JAKMIP1: variants seen among roughly 807,000 people sequenced by gnomAD.
JAKMIP1 encodes janus kinase and microtubule-interacting protein 1.
In JAKMIP1, 33 loss-of-function variants were observed where a neutral mutation model predicts 113.0. The ratio of observed to expected loss-of-function variants is 0.29; its 90% CI spans 0.22 to 0.39. JAKMIP1 has a LOEUF of 0.39. Among genes scored for constraint, JAKMIP1 ranks in the 10% least tolerant of loss-of-function variants. The pLI, the probability that JAKMIP1 is intolerant of heterozygous loss-of-function variation, is 1.00. For missense variants in JAKMIP1, 813 were observed against 1,080.5 expected (o/e 0.75, Z 3.47); for synonymous variants, 480 against 459.9 (o/e 1.04, Z -0.56).
At chr4:6,149,804 C>T (rs527296131) in intron 1 of JAKMIP1, among the ~76,000 whole-genome samples, 1 of 152,196 alleles carries the variant, frequency 6.6e-6, no homozygotes, top group African/African-American at 2.4e-5. Context: ...TAACGCTTCT[C>T]GCCCAGGCTC....
At chr4:6,152,793 TATATATATATATATATAC>T (rs11271627) in intron 1 of JAKMIP1, among the ~76,000 whole-genome samples, 9,968 of 141,404 alleles carry the variant, frequency 0.07, 717 homozygotes, top group African/African-American at 0.18. Flanking sequence ...AATACAAATA[TATATATATATATATATAC>T]ATATATATAT....
At chr4:6,195,594 C>G (rs548573356) in intron 1 of JAKMIP1, among the ~76,000 whole-genome samples, 6 of 152,158 alleles carry the variant, frequency 3.9e-5, no homozygotes, top group Non-Finnish European at 7.3e-5. Flanking sequence ...CTGTCCCCTC[C>G]CCCACAAAAG....
At chr4:6,098,396 G>T (rs899902937) in intron 3 of JAKMIP1, among the ~76,000 whole-genome samples, 1 of 151,710 alleles carries the variant, frequency 6.6e-6, no homozygotes, top group African/African-American at 2.4e-5. Flanking sequence ...TCACAGCATT[G>T]CACTTCAGCC....
In JAKMIP1 at chr4:6,061,595, G is replaced by A. The variant is rs528113620; in HGVS notation, c.1560+717C>T. On this transcript the variant is annotated intron_variant, in intron 10 of 20. Transcript: ENST00000409021. This position sits in a 1 kb window ranked among gnomAD's most constrained non-coding sequence, Gnocchi z 5.3. ...TCCCAGCTCTGTTCAGCATCATCTG[G>A]GTATTTGGGGGCAAGTTGCTCAGTT... Among the ~76,000 whole-genome samples, 1 of 152,138 alleles carries A rather than the reference G, an allele frequency of 6.6e-6. No homozygotes were observed. Among genetic ancestry groups the A allele is most frequent in the South Asian group, 2.1e-4 (1 of 4,818 alleles).
chr4:6,181,328 G>T lies in JAKMIP1; in HGVS notation c.-148+18925C>A, dbSNP rs192676072. Among the ~76,000 whole-genome samples, 11 of 152,262 alleles carry T rather than the reference G, an allele frequency of 7.2e-5. No individual in the cohort carries two copies. Among genetic ancestry groups the T allele is most frequent in the African/African-American group, 2.6e-4 (11 of 41,558 alleles). ...TGAGAGAGGAAGAGACCAGGGGCTC[G>T]AAGAGTAACACTAATTACAGGCCTG... On this transcript the variant is annotated intron_variant, in intron 1 of 20. Transcript: ENST00000409021. The surrounding 1 kb of genome is among the most constrained non-coding windows in gnomAD (Gnocchi z 5.4).
chr4:6,111,098 C>G (rs538668845), intron 2 of JAKMIP1, among the ~76,000 whole-genome samples: 149 of 152,066 alleles, frequency 9.8e-4, no homozygotes, highest in African/African-American at 3.2e-3. Flanking sequence ...AGCCTCTGCT[C>G]TGTGTGGCCA....
In JAKMIP1 at chr4:6,154,678, T is replaced by C. The variant is rs1722018387; in HGVS notation, c.-147-41681A>G. 6.6e-6 allele frequency among the ~76,000 whole-genome samples: 1 copy of C among 151,896 alleles called. No individual in the cohort carries two copies. The highest frequency in any genetic ancestry group is 1.5e-5 in the Non-Finnish European group (1 of 67,982). ...TCTGCAGCCCTGGCAAATGGAATTC[T>C]TTTCAATCCGGCCCGCTGAACCCCT... On this transcript the variant is annotated intron_variant, in intron 1 of 20. Transcript: ENST00000409021. The surrounding 1 kb of genome is among the most constrained non-coding windows in gnomAD (Gnocchi z 4.2).
intron 18 of JAKMIP1, 99 bp from the exon 19 acceptor site, chr4:6,036,206 G>C (rs569265289): frequency 2.0e-5 from 20 of 982,356 alleles, no homozygotes; most frequent in Middle Eastern, 4.9e-4. Context: ...AGGGAGGGGG[G>C]TTTCGGGCAG....
In JAKMIP1 at chr4:6,044,609, G is replaced by A. The variant is rs1257790809; in HGVS notation, c.2029-2382C>T. Among the ~76,000 whole-genome samples the A allele has an allele frequency of 1.3e-5, 2 of 152,070 alleles. No homozygotes were observed. Among genetic ancestry groups the A allele is most frequent in the African/African-American group, 4.8e-5 (2 of 41,320 alleles). ...TTTCAGTTTTAATATCCTCATGCAA[G>A]CAGTCATAAAATGAATAAAATTAAA... is the stretch of plus-strand genomic sequence containing the variant. On this transcript the variant is annotated intron_variant, in intron 16 of 20. Transcript: ENST00000409021. The surrounding 1 kb of genome is among the most constrained non-coding windows in gnomAD (Gnocchi z 4.4).
chr4:6,047,656 A>C (rs1367053421), intron 16 of JAKMIP1, among the ~76,000 whole-genome samples: 1 of 152,224 alleles, frequency 6.6e-6, no homozygotes, highest in Non-Finnish European at 1.5e-5. Flanking sequence ...AGTATCCTTT[A>C]CTTGATTGAG....
Position 6,079,012 on chromosome 4 carries a change from C to CA in JAKMIP1, c.1243-15dup. Reference sequence around the variant, plus strand: ...CCGTTCTCTCTCCTAGAAGGAAACACAACGGTTGGCATTTCCAGCCAGCCT... The same window carrying CA: ...CCGTTCTCTCTCCTAGAAGGAAACACAAACGGTTGGCATTTCCAGCCAGCCT... On this transcript the variant is annotated splice_polypyrimidine_tract_variant and intron_variant, in intron 7 of 20. Coordinates refer to ENST00000409021, the MANE Select transcript of JAKMIP1 (RefSeq NM_001099433.2). 6.2e-7 allele frequency: 1 copy of CA among 1,614,136 alleles called. No homozygotes were observed. The highest frequency in any genetic ancestry group is 1.1e-5 in the South Asian group (1 of 91,082).
At position 6,199,542 on chromosome 4, in the gene JAKMIP1, G is replaced by C. The variant is rs897094282; in HGVS notation, c.-148+711C>G. 1.3e-5 allele frequency among the ~76,000 whole-genome samples: 2 copies of C among 152,114 alleles called. No homozygotes were observed. The highest frequency in any genetic ancestry group is 2.9e-5 in the Non-Finnish European group (2 of 67,976). ...GAGTCAATCCTTGCGCGCCATCTCC[G>C]GAGGCCAGTGCGCCCAGGGCGCGCC... On this transcript the variant is annotated intron_variant, in intron 1 of 20. Transcript: ENST00000409021. The surrounding 1 kb of genome is among the most constrained non-coding windows in gnomAD (Gnocchi z 5.6).
chr4:6,044,571 G>C lies in JAKMIP1; in HGVS notation c.2029-2344C>G, dbSNP rs1174432005. On this transcript the variant is annotated intron_variant, in intron 16 of 20. Transcript: ENST00000409021. This position sits in a 1 kb window ranked among gnomAD's most constrained non-coding sequence, Gnocchi z 4.4. Reference sequence around the variant, plus strand: ...AAACAGATAAGCATATTTTGGATGGGGAGTTACAGGTATTTCAGTTTTAAT... The same window carrying C: ...AAACAGATAAGCATATTTTGGATGGCGAGTTACAGGTATTTCAGTTTTAAT... Among the ~76,000 whole-genome samples the C allele has an allele frequency of 6.6e-6, 1 of 152,088 alleles. No homozygotes were observed. Among genetic ancestry groups the C allele is most frequent in the African/African-American group, 2.4e-5 (1 of 41,400 alleles).
At chr4:6,041,404 A>G (rs1714298277) in intron 17 of JAKMIP1, among the ~76,000 whole-genome samples, 1 of 152,114 alleles carries the variant, frequency 6.6e-6, no homozygotes, top group Non-Finnish European at 1.5e-5. Context: ...GGCTCTTGCC[A>G]CACCACACCC....
At chr4:6,123,971 C>T (rs1191138239) in intron 1 of JAKMIP1, among the ~76,000 whole-genome samples, 1 of 152,212 alleles carries the variant, frequency 6.6e-6, no homozygotes, top group Non-Finnish European at 1.5e-5. Context: ...TTAAATGAAA[C>T]TTCCATGAGG....
intron 1 of JAKMIP1, among the ~76,000 whole-genome samples, chr4:6,166,653 G>A (rs770647910): frequency 4.6e-5 from 7 of 152,208 alleles, no homozygotes; most frequent in African/African-American, 1.2e-4. Flanking sequence ...CAGCATATGC[G>A]GCATTTTATG....
chr4:6,028,499 AATCTTAAGT>A, intron 20 of JAKMIP1, among the ~76,000 whole-genome samples: 1 of 152,314 alleles, frequency 6.6e-6, no homozygotes, highest in East Asian at 1.9e-4. Flanking sequence ...ACGGAGGTGG[AATCTTAAGT>A]GCTGTCCCAT....
chr4:6,099,151 C>T (rs1176107505), intron 3 of JAKMIP1, among the ~76,000 whole-genome samples: 1 of 152,128 alleles, frequency 6.6e-6, no homozygotes, highest in African/African-American at 2.4e-5. Flanking sequence ...TAAAGTGTGA[C>T]TTTTGTATCC....
At position 6,167,421 on chromosome 4, in the gene JAKMIP1, T is replaced by C. The variant is rs946467254; in HGVS notation, c.-148+32832A>G. ...ACCCTCAACTTCTCCTCCTCCACCC[T>C]GGGACAGCCACCTTCCCACAAGGCA... On this transcript the variant is annotated intron_variant, in intron 1 of 20. Coordinates refer to ENST00000409021, the MANE Select transcript of JAKMIP1 (RefSeq NM_001099433.2). The surrounding 1 kb of genome is among the most constrained non-coding windows in gnomAD (Gnocchi z 5.3). 3.3e-5 allele frequency among the ~76,000 whole-genome samples: 5 copies of C among 152,118 alleles called. No individual in the cohort carries two copies. Among genetic ancestry groups the C allele is most frequent in the Non-Finnish European group, 7.4e-5 (5 of 68,022 alleles).
Sources: gnomAD v4.1 joint callset for allele counts (sites outside exome capture counted in the v4.1 genomes callset) on GRCh38, gnomAD v4.1.1 for gene constraint, Gnocchi (gnomAD v3.1) non-coding constraint, MANE v1.5 for transcripts, NCBI Gene and HGNC (gene_info 2026-07-23, HGNC 2026-07-21) for gene names.